The following UBR3 variants were observed in gnomAD, a reference collection of about 807,000 sequenced individuals.
UBR3 encodes E3 ubiquitin-protein ligase UBR3.
In UBR3, 85 loss-of-function variants were observed where a neutral mutation model predicts 243.2. The observed-to-expected ratio is 0.35, with a 90% CI of 0.29 to 0.42. The LOEUF (loss-of-function observed/expected upper bound fraction) is 0.42, where lower values mean the gene tolerates loss of function less well. Ranked by LOEUF, UBR3 falls within the 10% of genes least tolerant of loss-of-function variation. The pLI is 1.00. For synonymous variants in UBR3, 748 were observed against 799.8 expected (o/e 0.94, Z 1.09); for missense variants, 1,686 against 2,300.8 (o/e 0.73, Z 5.47).
chr2:170,044,058 CAG>C (rs2091027506), intron 32 of UBR3, among the ~76,000 whole-genome samples: 1 of 151,990 alleles, frequency 6.6e-6, no homozygotes, highest in Non-Finnish European at 1.5e-5. Flanking sequence ...TAATTTTCCA[CAG>C]AGGTTTTTTT....
At chr2:169,838,469 A>G (rs1559002289) in intron 1 of UBR3, among the ~76,000 whole-genome samples, 1 of 148,760 alleles carries the variant, frequency 6.7e-6, no homozygotes, top group Non-Finnish European at 1.5e-5. Context: ...CTTCTTGCAT[A>G]CTCACATGGC....
chr2:169,860,898 C>T lies in UBR3; in HGVS notation c.546-11338C>T, dbSNP rs1209853635. On this transcript the variant is annotated intron_variant, in intron 1 of 38. Transcript: ENST00000272793. ...CCCAAAACCTCGAAAGTAGAGAAGC[C>T]GACACTGCAGCACTCAGTCTGTGGC... Among the ~76,000 whole-genome samples, 9 of 152,206 alleles carry T rather than the reference C, an allele frequency of 5.9e-5. No individual in the cohort carries two copies. In the East Asian group the frequency reaches 1.5e-3, roughly 26 times the overall value.
At chr2:169,953,240 T>C (rs1559128775) in intron 23 of UBR3, among the ~76,000 whole-genome samples, 2 of 152,222 alleles carry the variant, frequency 1.3e-5, no homozygotes, top group Non-Finnish European at 1.5e-5. Flanking sequence ...ACTAATTTTG[T>C]AGCAGACAGC....
At chr2:169,964,489 A>G (rs1268580108) in intron 24 of UBR3, 9 of 468,250 alleles carry the variant, frequency 1.9e-5, no homozygotes, top group South Asian at 1.3e-4. Flanking sequence ...TGGTCACCTT[A>G]TCCTCTGAGG....
chr2:169,912,959 A>T (rs983867301), intron 10 of UBR3, among the ~76,000 whole-genome samples: 2 of 151,888 alleles, frequency 1.3e-5, no homozygotes, highest in African/African-American at 4.8e-5. Flanking sequence ...TAATTTTAAA[A>T]TTTTTTCGCA....
At chr2:169,946,665 T>C (rs1306804035) in intron 21 of UBR3, among the ~76,000 whole-genome samples, 3 of 152,164 alleles carry the variant, frequency 2.0e-5, no homozygotes, top group African/African-American at 7.2e-5. Context: ...AATTATTGAA[T>C]TTGAAATTTG....
At chr2:170,026,288 C>T (rs1316244347) in intron 30 of UBR3, among the ~76,000 whole-genome samples, 1 of 151,604 alleles carries the variant, frequency 6.6e-6, no homozygotes, top group African/African-American at 2.4e-5. Context: ...CTTATGTTTC[C>T]AATGTATAAT....
intron 31 of UBR3, among the ~76,000 whole-genome samples, chr2:170,040,096 A>G (rs898233051): frequency 6.6e-6 from 1 of 152,012 alleles, no homozygotes; most frequent in Admixed American, 6.6e-5. Context: ...GCAAATGTTA[A>G]AGATTTTATT....
chr2:169,922,667 C>G (rs1393842028), intron 11 of UBR3, among the ~76,000 whole-genome samples: 1 of 152,116 alleles, frequency 6.6e-6, no homozygotes, highest in East Asian at 1.9e-4. Context: ...TTTGGCTGCT[C>G]TAAGAACCTC....
rs963653441 is a variant in UBR3 at position 170,048,130 on chromosome 2, C to A, written c.4660+7145C>A. Among the ~76,000 whole-genome samples, 43 of 152,158 alleles carry A rather than the reference C, an allele frequency of 2.8e-4. 1 individual carries two copies. Among genetic ancestry groups the A allele is most frequent in the Non-Finnish European group, 5.9e-5 (4 of 68,026 alleles). ...AGGTTAAAGGTTGATAAGGGAGGGG[C>A]ACACTGAGGTGTGAACGATATTCTT... On this transcript the variant is annotated intron_variant, in intron 32 of 38. Coordinates refer to ENST00000272793, the MANE Select transcript of UBR3 (RefSeq NM_172070.4).
At chr2:169,907,388 C>A (rs567530549) in intron 10 of UBR3, among the ~76,000 whole-genome samples, 4 of 152,162 alleles carry the variant, frequency 2.6e-5, no homozygotes, top group East Asian at 3.9e-4. Context: ...TTAATGGTAT[C>A]TTAAATTATG....
At chr2:169,908,103 C>T (rs1040586852) in intron 10 of UBR3, among the ~76,000 whole-genome samples, 5 of 152,174 alleles carry the variant, frequency 3.3e-5, no homozygotes, top group Non-Finnish European at 7.3e-5. Flanking sequence ...CATGCAGTGT[C>T]CTTTCTTGAT....
intron 1 of UBR3, among the ~76,000 whole-genome samples, chr2:169,829,395 A>G (rs1300994118): frequency 6.6e-6 from 1 of 151,896 alleles, no homozygotes; most frequent in East Asian, 1.9e-4. Flanking sequence ...TAATAATAAT[A>G]ACAACATAAT....
intron 31 of UBR3, among the ~76,000 whole-genome samples, chr2:170,036,853 A>C (rs2090845217): frequency 6.6e-6 from 1 of 152,106 alleles, no homozygotes; most frequent in Admixed American, 6.6e-5. Context: ...ATGTAGCCAG[A>C]TCAATCAGAC....
chr2:169,890,370 C>G (rs1488149177), intron 5 of UBR3, among the ~76,000 whole-genome samples: 1 of 151,668 alleles, frequency 6.6e-6, no homozygotes, highest in Non-Finnish European at 1.5e-5. Context: ...TAAACCACCA[C>G]ATGATGTTTG....
chr2:169,885,335 A>C (rs923775978), intron 5 of UBR3, among the ~76,000 whole-genome samples: 1 of 152,246 alleles, frequency 6.6e-6, no homozygotes, highest in Non-Finnish European at 1.5e-5. Context: ...TAATCCCAGC[A>C]CTTTGGGAGG....
chr2:169,955,781 GA>G lies in UBR3; in HGVS notation c.3546-2656del, dbSNP rs2087254546. 5.7e-5 allele frequency among the ~76,000 whole-genome samples: 3 copies of G among 52,876 alleles called. No homozygotes were observed. In the South Asian group the frequency reaches 2.5e-3, roughly 44 times the overall value. The allele number at this position is 52,876 out of a possible 152,430, so 34.7% of individuals were successfully genotyped here. ...TGCACTCCAGCTTGGGCCATAGAGT[GA>G]GACTCCATCTCAAAAAAAAAAAAAA... On this transcript the variant is annotated intron_variant, in intron 23 of 38. Transcript: ENST00000272793.
intron 33 of UBR3, among the ~76,000 whole-genome samples, chr2:170,057,118 C>CTTTTTTTTTTT (rs34846378): frequency 7.4e-6 from 1 of 135,816 alleles, no homozygotes; most frequent in Non-Finnish European, 1.6e-5. Context: ...TTAGTTTTTT[C>CTTTTTTTTTTT]TTTTTTTTTT....
At chr2:169,870,877 C>A (rs889429117) in intron 1 of UBR3, among the ~76,000 whole-genome samples, 1 of 151,646 alleles carries the variant, frequency 6.6e-6, no homozygotes, top group East Asian at 1.9e-4. Context: ...TGGTCTTGAA[C>A]GCCTGACCTC....
Sources: allele counts gnomAD v4.1 joint callset (sites outside exome capture counted in the v4.1 genomes callset), GRCh38; gene constraint gnomAD v4.1.1; transcripts MANE v1.5; gene names NCBI Gene and HGNC (gene_info 2026-07-23, HGNC 2026-07-21).